Variants in XXYLT1 observed in about 807,000 individuals in gnomAD.
XXYLT1 encodes UDP-xylose:alpha-xyloside alpha-1,3-xylosyltransferase.
Under a neutral mutation model 28.9 loss-of-function variants are expected in XXYLT1, and 20 were observed. That is an observed-to-expected ratio of 0.69 (90% CI 0.49 to 1.00). The LOEUF (loss-of-function observed/expected upper bound fraction) is 1.00. Among genes scored for constraint, XXYLT1 ranks in the 50% least tolerant of loss-of-function variants. XXYLT1 has a pLI of 0.00. For synonymous variants in XXYLT1, 257 were observed against 253.8 expected, an observed-to-expected ratio of 1.01 and a Z score of -0.12; for missense variants, 542 against 560.1, an observed-to-expected ratio of 0.97 and a Z score of 0.33.
intron 2 of XXYLT1, among the ~76,000 whole-genome samples, chr3:195,224,070 C>T (rs1003358595): frequency 7.9e-5 from 12 of 152,118 alleles, no homozygotes; most frequent in Non-Finnish European, 1.3e-4. Flanking sequence ...GCAGGAGACT[C>T]GCTTGAACCC....
At chr3:195,267,397 T>C (rs1033246747) in intron 1 of XXYLT1, among the ~76,000 whole-genome samples, 3 of 152,218 alleles carry the variant, frequency 2.0e-5, no homozygotes, top group African/African-American at 7.2e-5. Flanking sequence ...AGCACTGACC[T>C]AGGATGCAGG....
intron 3 of XXYLT1, among the ~76,000 whole-genome samples, chr3:195,145,363 C>T (rs1020778988): frequency 5.4e-5 from 8 of 148,706 alleles, no homozygotes; most frequent in Non-Finnish European, 1.2e-4. Flanking sequence ...CATCACTCCA[C>T]GGTGACTGGC....
At chr3:195,088,730 G>C (rs1715960189) in intron 3 of XXYLT1, among the ~76,000 whole-genome samples, 1 of 141,484 alleles carries the variant, frequency 7.1e-6, no homozygotes. Flanking sequence ...ATTACTCTGA[G>C]CTACGGGAGG....
chr3:195,100,530 A>G (rs906469880), intron 3 of XXYLT1, among the ~76,000 whole-genome samples: 1 of 151,892 alleles, frequency 6.6e-6, no homozygotes, highest in Non-Finnish European at 1.5e-5. Context: ...AGCCCAACAC[A>G]TAAGGCTCCC....
At chr3:195,161,519 T>C (rs928591823) in intron 2 of XXYLT1, among the ~76,000 whole-genome samples, 2 of 151,910 alleles carry the variant, frequency 1.3e-5, no homozygotes, top group Non-Finnish European at 2.9e-5. Context: ...GCATGAAGAC[T>C]ATTGGGATTC....
rs570398538 is a variant in XXYLT1 at position 195,260,540 on chromosome 3, C to G, written c.504+10015G>C. The stretch of plus-strand genomic sequence containing the variant: ...GGAGGTCGGACTGCATCCTCCCGTC[C>G]CGGGCGAGGCACATCCAGGAGGAGA... On this transcript the variant is annotated intron_variant, in intron 1 of 3. Coordinates refer to ENST00000310380, the MANE Select transcript of XXYLT1 (RefSeq NM_152531.5). Among the ~76,000 whole-genome samples the G allele has an allele frequency of 3.3e-5, 5 of 152,358 alleles. No individual in the cohort carries two copies. The South Asian group carries it at 6.2e-4, about 19-fold the overall frequency.
intron 3 of XXYLT1, chr3:195,148,069 C>T (rs535690353): frequency 3.3e-5 from 5 of 152,154 alleles, no homozygotes; most frequent in African/African-American, 1.2e-4. Context: ...GACGTCATCC[C>T]GGAGCTCCTA....
chr3:195,153,849 C>G (rs1720412478), intron 3 of XXYLT1: 1 of 152,218 alleles, frequency 6.6e-6, no homozygotes, highest in East Asian at 1.9e-4. Flanking sequence ...TTTAAACACC[C>G]CATGACGTCA....
intron 3 of XXYLT1, among the ~76,000 whole-genome samples, chr3:195,100,400 G>A (rs754300166): frequency 2.0e-4 from 30 of 152,230 alleles, no homozygotes; most frequent in South Asian, 1.0e-3. Flanking sequence ...GGACAAGGAG[G>A]GACACATTTA....
chr3:195,205,126 A>G (rs1723015430), intron 2 of XXYLT1, among the ~76,000 whole-genome samples: 1 of 152,248 alleles, frequency 6.6e-6, no homozygotes, highest in Non-Finnish European at 1.5e-5. Context: ...AAAGTCTGCC[A>G]ATTTTTTATA....
chr3:195,247,656 T>C lies in XXYLT1; in HGVS notation c.505-20800A>G, dbSNP rs552237940. 8.7e-6 allele frequency: 5 copies of C among 576,476 alleles called. No homozygotes were observed. In the African/African-American group the frequency reaches 9.5e-5, roughly 11 times the overall value. The allele number at this position is 576,476 out of a possible 1,614,324, so 35.7% of individuals were successfully genotyped here. A position where few individuals can be genotyped will look rare whatever the true frequency, so the allele number is the denominator to read the frequency against. The stretch of plus-strand genomic sequence containing the variant: ...TGATCCCCAGACAGCCCTGCCAGGC[T>C]CGAACCCTCCGACCCCAGGGCAGGC... On this transcript the variant is annotated intron_variant, in intron 1 of 3. Coordinates refer to ENST00000310380, the MANE Select transcript of XXYLT1 (RefSeq NM_152531.5).
intron 3 of XXYLT1, among the ~76,000 whole-genome samples, chr3:195,084,197 G>GGCAGAAAA (rs1202725191): frequency 2.7e-4 from 41 of 152,174 alleles, no homozygotes; most frequent in African/African-American, 8.9e-4. Context: ...CGGCTGGTAA[G>GGCAGAAAA]GCAGAAAAGC....
Position 195,190,471 on chromosome 3 carries a change from G to A in XXYLT1, c.653-33890C>T, listed in dbSNP as rs113164377. Among the ~76,000 whole-genome samples, 309 of 143,144 alleles carry A rather than the reference G, an allele frequency of 2.2e-3. 1 individual carries two copies. The highest frequency in any genetic ancestry group is 3.6e-3 in the Non-Finnish European group (242 of 66,828). The allele number at this position is 143,144 out of a possible 152,430, so 93.9% of individuals were successfully genotyped here. The stretch of plus-strand genomic sequence containing the variant: ...GTTATGCTGCTGCACTCCAGCCTGG[G>A]TGGCGAAGTGAGACTCTGTCTCAAA... On this transcript the variant is annotated intron_variant, in intron 2 of 3. Transcript: ENST00000310380.
At position 195,248,502 on chromosome 3, in the gene XXYLT1, C is replaced by T. The variant is rs376063541; in HGVS notation, c.505-21646G>A. On this transcript the variant is annotated intron_variant, in intron 1 of 3. Coordinates refer to ENST00000310380, the MANE Select transcript of XXYLT1 (RefSeq NM_152531.5). ...TGAACAACAACACCACCACAAAAGA[C>T]GGGAGTTTCTCTTATTTTTTTGCCT... Among the ~76,000 whole-genome samples the T allele has an allele frequency of 6.3e-4, 96 of 152,332 alleles. 2 individuals carry two copies. Among genetic ancestry groups the T allele is most frequent in the African/African-American group, 2.1e-3 (87 of 41,566 alleles).
intron 2 of XXYLT1, among the ~76,000 whole-genome samples, chr3:195,200,418 T>A (rs927583576): frequency 1.1e-4 from 17 of 152,218 alleles, no homozygotes; most frequent in Non-Finnish European, 2.2e-4. Context: ...GTGGGTTCAC[T>A]GGTAATAATA....
intron 3 of XXYLT1, among the ~76,000 whole-genome samples, chr3:195,130,769 G>A (rs1335085423): frequency 1.3e-5 from 2 of 152,226 alleles, no homozygotes; most frequent in East Asian, 3.8e-4. Context: ...ATGTACCCAT[G>A]GCCATACACA....
chr3:195,261,176 T>A (rs1725687809), intron 1 of XXYLT1, among the ~76,000 whole-genome samples: 1 of 152,264 alleles, frequency 6.6e-6, no homozygotes, highest in Non-Finnish European at 1.5e-5. Flanking sequence ...CTCACGCCTG[T>A]AATCCCAGCA....
chr3:195,128,709 A>G (rs1011152430), intron 3 of XXYLT1, among the ~76,000 whole-genome samples: 7 of 152,060 alleles, frequency 4.6e-5, no homozygotes, highest in Non-Finnish European at 7.3e-5. Flanking sequence ...TTCCCTGATT[A>G]CCTCTAATTG....
intron 3 of XXYLT1, among the ~76,000 whole-genome samples, chr3:195,104,198 CGTGTGTGTGTGTGTGTGTGTGTGTGT>C (rs59361512): frequency 1.4e-5 from 2 of 141,978 alleles, no homozygotes; most frequent in Admixed American, 1.4e-4. Context: ...ATGAGGGCTC[CGTGTGTGTGTGTGTGTGTGTGTGTGT>C]GTGTGTGTGT....
Sources: gnomAD v4.1 joint callset for allele counts (sites outside exome capture counted in the v4.1 genomes callset) on GRCh38, gnomAD v4.1.1 for gene constraint, MANE v1.5 for transcripts, NCBI Gene and HGNC (gene_info 2026-07-23, HGNC 2026-07-21) for gene names.